SLC9C2: variants seen among roughly 807,000 people sequenced by gnomAD.
SLC9C2 encodes solute carrier family 9 member C2 (putative).
In SLC9C2, 75 loss-of-function variants were observed where a neutral mutation model predicts 140.2. The ratio of observed to expected loss-of-function variants is 0.53; its 90% confidence interval spans 0.44 to 0.65. The LOEUF (loss-of-function observed/expected upper bound fraction) is 0.65. SLC9C2 is among the 30% of genes least tolerant of loss of function. The pLI, the probability that SLC9C2 is intolerant of heterozygous loss-of-function variation, is 0.00. For synonymous variants in SLC9C2, 375 were observed against 420.9 expected (o/e 0.89, Z 1.34); for missense variants, 1,074 against 1,331.8 (o/e 0.81, Z 3.01).
intron 22 of SLC9C2, among the ~76,000 whole-genome samples, chr1:173,518,140 G>T (rs1447791915): frequency 6.6e-6 from 1 of 152,080 alleles, no homozygotes; most frequent in East Asian, 1.9e-4. Context: ...ACGCATACTT[G>T]TAGTCCCAGC....
chr1:173,593,766 A>G (rs544174065), intron 4 of SLC9C2, among the ~76,000 whole-genome samples: 7 of 152,290 alleles, frequency 4.6e-5, no homozygotes, highest in South Asian at 2.1e-4. Context: ...AACAAAGATC[A>G]AAAAAGACAA....
At chr1:173,583,000 A>G (rs1387839890) in intron 6 of SLC9C2, among the ~76,000 whole-genome samples, 1 of 152,212 alleles carries the variant, frequency 6.6e-6, no homozygotes, top group Non-Finnish European at 1.5e-5. Context: ...AGAAAAACTA[A>G]AGCACTTTTT....
At chr1:173,543,258 C>T (rs1275194809) in intron 13 of SLC9C2, among the ~76,000 whole-genome samples, 1 of 152,024 alleles carries the variant, frequency 6.6e-6, no homozygotes, top group Non-Finnish European at 1.5e-5. Flanking sequence ...TTCACTATTG[C>T]TACAAAGAAA....
At chr1:173,581,606 A>T (rs1446060766) in intron 7 of SLC9C2, among the ~76,000 whole-genome samples, 3 of 152,206 alleles carry the variant, frequency 2.0e-5, no homozygotes, top group African/African-American at 7.2e-5. Flanking sequence ...TCAAATGAAG[A>T]GTCCAAAAAG....
intron 9 of SLC9C2, among the ~76,000 whole-genome samples, chr1:173,561,196 T>G (rs1191220167): frequency 2.0e-5 from 3 of 152,192 alleles, no homozygotes; most frequent in Non-Finnish European, 4.4e-5. Context: ...TATAAACTTC[T>G]TGAGGAGAGA....
chr1:173,519,349 G>A (rs1029183833), intron 22 of SLC9C2, among the ~76,000 whole-genome samples: 5 of 152,106 alleles, frequency 3.3e-5, no homozygotes, highest in Non-Finnish European at 5.9e-5. Context: ...CAACCTCAAA[G>A]AGCCTGGAAA....
chr1:173,509,087 T>C (rs1659854785), intron 24 of SLC9C2, among the ~76,000 whole-genome samples: 1 of 152,044 alleles, frequency 6.6e-6, no homozygotes, highest in Non-Finnish European at 1.5e-5. Context: ...GACAAAAGGA[T>C]TGACAACCTG....
chr1:173,508,431 A>T (rs1477133467), intron 24 of SLC9C2, among the ~76,000 whole-genome samples: 1 of 152,164 alleles, frequency 6.6e-6, no homozygotes, highest in Non-Finnish European at 1.5e-5. Context: ...TATTGAGTCA[A>T]GTCTGAGTCC....
At chr1:173,543,556 A>C (rs1662601227) in intron 13 of SLC9C2, among the ~76,000 whole-genome samples, 1 of 152,220 alleles carries the variant, frequency 6.6e-6, no homozygotes, top group African/African-American at 2.4e-5. Context: ...AGACAATCCT[A>C]ACCAAAACTA....
chr1:173,526,190 C>T (rs368843526), intron 19 of SLC9C2, among the ~76,000 whole-genome samples: 1 of 152,196 alleles, frequency 6.6e-6, no homozygotes, highest in Non-Finnish European at 1.5e-5. Flanking sequence ...CTGCTCTGTG[C>T]TTCAAATAAA....
intron 9 of SLC9C2, among the ~76,000 whole-genome samples, chr1:173,561,856 GAC>G (rs1045800374): frequency 2.0e-5 from 2 of 98,838 alleles, no homozygotes; most frequent in Non-Finnish European, 3.4e-5. Flanking sequence ...CACACACACA[GAC>G]ACAGACACAC....
chr1:173,522,589 T>C (rs141093888), intron 21 of SLC9C2, among the ~76,000 whole-genome samples: 3 of 152,336 alleles, frequency 2.0e-5, no homozygotes, highest in African/African-American at 7.2e-5. Flanking sequence ...TAGAGAAAAA[T>C]GTTTTAATAG....
chr1:173,589,345 C>T (rs1186100334), intron 4 of SLC9C2, among the ~76,000 whole-genome samples: 1 of 152,026 alleles, frequency 6.6e-6, no homozygotes, highest in Non-Finnish European at 1.5e-5. Flanking sequence ...TCGCTTGAGG[C>T]CAGAAGCCTA....
At chr1:173,555,094 T>A (rs1390981940) in intron 10 of SLC9C2, among the ~76,000 whole-genome samples, 7 of 152,204 alleles carry the variant, frequency 4.6e-5, no homozygotes, top group Non-Finnish European at 8.8e-5. Context: ...CAGTTGCCAC[T>A]CCTGGCAGCA....
intron 4 of SLC9C2, among the ~76,000 whole-genome samples, chr1:173,594,824 G>T (rs1444813079): frequency 1.3e-5 from 2 of 152,122 alleles, no homozygotes; most frequent in South Asian, 2.1e-4. Flanking sequence ...TTGTATTTAG[G>T]AATATAGAAA....
chr1:173,554,504 G>A (rs1395285497), intron 11 of SLC9C2, among the ~76,000 whole-genome samples: 2 of 151,538 alleles, frequency 1.3e-5, no homozygotes, highest in Non-Finnish European at 2.9e-5. Flanking sequence ...TTTTGGTGGA[G>A]GGAAAAAAAA....
chr1:173,520,716 T>C (rs1307850988), intron 22 of SLC9C2, among the ~76,000 whole-genome samples: 2 of 152,264 alleles, frequency 1.3e-5, no homozygotes, highest in East Asian at 1.9e-4. Context: ...TAAGGTCTAA[T>C]ATACCCGTTT....
chr1:173,508,976 T>G (rs1659844034), intron 24 of SLC9C2, among the ~76,000 whole-genome samples: 2 of 145,290 alleles, frequency 1.4e-5, no homozygotes, highest in South Asian at 4.1e-4. Flanking sequence ...TGATTAACAC[T>G]ATGCTTGGTT....
intron 27 of SLC9C2, 62 bp from the exon 28 acceptor site, chr1:173,501,159 C>T: frequency 6.9e-7 from 1 of 1,443,972 alleles, no homozygotes; most frequent in Non-Finnish European, 9.2e-7. Context: ...AACTTCTTAC[C>T]TATTAAATGG....
Sources: gnomAD v4.1 joint callset for allele counts (sites outside exome capture counted in the v4.1 genomes callset) on GRCh38, gnomAD v4.1.1 for gene constraint, MANE v1.5 for transcripts, NCBI Gene and HGNC (gene_info 2026-07-23, HGNC 2026-07-21) for gene names.